The following TRPS1 variants were observed in gnomAD, a reference collection of about 807,000 sequenced individuals.
The protein encoded by TRPS1 is zinc finger transcription factor Trps1.
A neutral mutation model predicts 101.2 loss-of-function variants in TRPS1; 6 were observed. The ratio of observed to expected loss-of-function variants is 0.06; its 90% CI spans 0.03 to 0.12. The LOEUF is 0.12. Ranked by LOEUF, TRPS1 falls within the 10% of genes least tolerant of loss-of-function variation. TRPS1 has a pLI of 1.00. For synonymous variants in TRPS1, 578 were observed against 589.8 expected (o/e 0.98, Z 0.29); for missense variants, 1,363 against 1,567.0 (o/e 0.87, Z 2.20).
In TRPS1 at chr8:115,567,002, C is replaced by A. The variant is rs554097498; in HGVS notation, c.2700+19999G>T. ...TAGCATTTATGTCTCTGCTTTTTATCCTAAATAAACCCACGCATCTTTCTC... is the reference window on the plus strand; with the variant it reads ...TAGCATTTATGTCTCTGCTTTTTATACTAAATAAACCCACGCATCTTTCTC... On this transcript the variant is annotated intron_variant, in intron 5 of 6. Transcript: ENST00000395715. Among the ~76,000 whole-genome samples, 18 of 152,156 alleles carry A rather than the reference C, an allele frequency of 1.2e-4. No homozygotes were observed. The South Asian group carries it at 1.5e-3, about 12-fold the overall frequency.
Position 115,586,982 on chromosome 8 carries a change from A to T in TRPS1, c.2700+19T>A. The T allele has an allele frequency of 6.2e-7, 1 of 1,613,784 alleles. No homozygotes were observed. The highest frequency in any genetic ancestry group is 8.5e-7 in the Non-Finnish European group (1 of 1,179,950). ...GCCCTTCAAAACAAATGAATTATTT[A>T]AAAATGAAACCATCCTACCCGTAAC... On this transcript the variant is annotated intron_variant, in intron 5 of 6. Coordinates refer to ENST00000395715, the MANE Select transcript of TRPS1 (RefSeq NM_014112.5).
chr8:115,618,992 A>G (rs1818326669), intron 3 of TRPS1, 140 bp downstream of exon 3: 2 of 818,092 alleles, frequency 2.4e-6, no homozygotes, highest in Admixed American at 2.2e-5. Context: ...TGAAGTAGCT[A>G]TGGAGTGTGT....
chr8:115,646,736 C>T (rs1819033066), intron 1 of TRPS1, among the ~76,000 whole-genome samples: 1 of 152,084 alleles, frequency 6.6e-6, no homozygotes, highest in South Asian at 2.1e-4. Context: ...CGTTTGACGG[C>T]AAACTGTAGT....
At chr8:115,561,534 T>C (rs889031110) in intron 5 of TRPS1, among the ~76,000 whole-genome samples, 9 of 151,936 alleles carry the variant, frequency 5.9e-5, no homozygotes, top group African/African-American at 2.2e-4. Flanking sequence ...TTTGGGGGCA[T>C]GTAGAAACAA....
chr8:115,511,186 A>C (rs549917523), intron 5 of TRPS1: 9 of 151,976 alleles, frequency 5.9e-5, no homozygotes, highest in Non-Finnish European at 1.2e-4. Context: ...TGTCTCTTTT[A>C]ATGTGGATTA....
chr8:115,444,180 TGTG>T, intron 5 of TRPS1, among the ~76,000 whole-genome samples: 1 of 152,344 alleles, frequency 6.6e-6, no homozygotes, highest in African/African-American at 2.4e-5. Flanking sequence ...TTATAAGGAA[TGTG>T]ATTTCTTACC....
At chr8:115,518,945 CAT>C (rs942942761) in intron 5 of TRPS1, among the ~76,000 whole-genome samples, 4 of 151,774 alleles carry the variant, frequency 2.6e-5, no homozygotes. Flanking sequence ...TTATCCATCT[CAT>C]GTGCTACTAT....
chr8:115,484,377 A>C (rs1814827949), intron 5 of TRPS1, among the ~76,000 whole-genome samples: 1 of 152,190 alleles, frequency 6.6e-6, no homozygotes, highest in Non-Finnish European at 1.5e-5. Flanking sequence ...TTAATATTTC[A>C]TATTTCCAAA....
chr8:115,535,227 T>TATAGCATATATAGC (rs1554583774), intron 5 of TRPS1, among the ~76,000 whole-genome samples: 4 of 118,832 alleles, frequency 3.4e-5, no homozygotes, highest in African/African-American at 1.3e-4. Flanking sequence ...ATATAGCATA[T>TATAGCATATATAGC]ATATATAGCA....
chr8:115,450,524 A>T (rs527308510), intron 5 of TRPS1, among the ~76,000 whole-genome samples: 362 of 145,560 alleles, frequency 2.5e-3, no homozygotes, highest in Non-Finnish European at 3.5e-3. Context: ...CTCTTTTTTT[A>T]AAAAAAAAAA....
intron 5 of TRPS1, among the ~76,000 whole-genome samples, chr8:115,433,130 C>T (rs764063343): frequency 2.0e-5 from 3 of 151,784 alleles, no homozygotes; most frequent in African/African-American, 4.8e-5. Flanking sequence ...TAAAGAGGTA[C>T]GATTATTCAA....
At position 115,476,238 on chromosome 8, in the gene TRPS1, C is replaced by T. The variant is rs1814604918; in HGVS notation, c.2701-57786G>A. Among the ~76,000 whole-genome samples, 2 of 21,192 alleles carry T rather than the reference C, an allele frequency of 9.4e-5. 1 individual carries two copies. Among genetic ancestry groups the T allele is most frequent in the Admixed American group, 1.0e-3 (2 of 1,934 alleles). The allele number at this position is 21,192 out of a possible 152,430, so 13.9% of individuals were successfully genotyped here. A position where few individuals can be genotyped will look rare whatever the true frequency, so the allele number is the denominator to read the frequency against. Reference sequence around the variant, plus strand: ...GTTTCACCGTTTTAGCCGGGATGGTCTCGATCTCCTGACCTCGTGATCCGC... The same window carrying T: ...GTTTCACCGTTTTAGCCGGGATGGTTTCGATCTCCTGACCTCGTGATCCGC... On this transcript the variant is annotated intron_variant, in intron 5 of 6. Coordinates refer to ENST00000395715, the MANE Select transcript of TRPS1 (RefSeq NM_014112.5).
intron 5 of TRPS1, among the ~76,000 whole-genome samples, chr8:115,466,603 G>A (rs1363828341): frequency 2.6e-5 from 4 of 152,130 alleles, no homozygotes; most frequent in Non-Finnish European, 4.4e-5. Flanking sequence ...CAAACTGGCT[G>A]TGGATCTAGA....
intron 5 of TRPS1, among the ~76,000 whole-genome samples, chr8:115,474,117 C>A (rs1393911066): frequency 6.6e-6 from 1 of 152,148 alleles, no homozygotes; most frequent in Non-Finnish European, 1.5e-5. Flanking sequence ...AACCAGGGAA[C>A]ATTCCTTTTT....
At chr8:115,505,273 GTC>G (rs1290639289) in intron 5 of TRPS1, among the ~76,000 whole-genome samples, 1 of 152,096 alleles carries the variant, frequency 6.6e-6, no homozygotes, top group Non-Finnish European at 1.5e-5. Flanking sequence ...GTTAAGTATT[GTC>G]TCTGTTAACA....
At chr8:115,550,050 T>C (rs1356008857) in intron 5 of TRPS1, among the ~76,000 whole-genome samples, 1 of 152,108 alleles carries the variant, frequency 6.6e-6, no homozygotes, top group African/African-American at 2.4e-5. Context: ...ACCCCATCTC[T>C]ACTAAAAATA....
At chr8:115,533,445 TTTTTTTTTTTTTTTC>T (rs1816195339) in intron 5 of TRPS1, among the ~76,000 whole-genome samples, 1 of 127,706 alleles carries the variant, frequency 7.8e-6, no homozygotes, top group Non-Finnish European at 1.6e-5. Context: ...TGTTTTTTTT[TTTTTTTTTTTTTTTC>T]CTGAAAAAAA....
rs188495838 is a variant in TRPS1, at chr8:115,617,145, G to A, written c.966+1987C>T. On this transcript the variant is annotated intron_variant, in intron 3 of 6. Coordinates refer to ENST00000395715, the MANE Select transcript of TRPS1 (RefSeq NM_014112.5). ...AATTGTTTGTTTGAAATAATCACGC[G>A]CTGTTGCCACAGATTACTTTTTTCT... is the stretch of plus-strand genomic sequence containing the variant. 9.2e-4 allele frequency among the ~76,000 whole-genome samples: 140 copies of A among 152,210 alleles called. 1 individual carries two copies. Among genetic ancestry groups the A allele is most frequent in the African/African-American group, 1.9e-3 (77 of 41,520 alleles).
chr8:115,572,187 T>C (rs1586416004), intron 5 of TRPS1, among the ~76,000 whole-genome samples: 2 of 152,256 alleles, frequency 1.3e-5, no homozygotes, highest in South Asian at 4.1e-4. Flanking sequence ...CAGAGGATCT[T>C]AAAATTTGAT....
Sources: allele counts gnomAD v4.1 joint callset (sites outside exome capture counted in the v4.1 genomes callset), GRCh38; gene constraint gnomAD v4.1.1; transcripts MANE v1.5; gene names NCBI Gene and HGNC (gene_info 2026-07-23, HGNC 2026-07-21).